The following KPNA3 variants were observed in gnomAD, a reference collection of about 807,000 sequenced individuals.
KPNA3 encodes the protein karyopherin subunit alpha 3.
Under a neutral mutation model 73.8 loss-of-function variants are expected in KPNA3, and 13 were observed. The observed-to-expected ratio is 0.18, with a 90% CI of 0.11 to 0.28. The LOEUF (loss-of-function observed/expected upper bound fraction) is 0.28, where lower values mean the gene tolerates loss of function less well. KPNA3 is among the 10% of genes least tolerant of loss of function. The probability of loss-of-function intolerance (pLI) is 1.00; values close to 1 mark genes in which losing one functional copy is unlikely to be tolerated. For missense variants in KPNA3, 360 were observed against 618.1 expected (o/e 0.58, Z 4.43); for synonymous variants, 186 against 206.9 (o/e 0.90, Z 0.87).
intron 6 of KPNA3, among the ~76,000 whole-genome samples, chr13:49,729,122 ATATT>A (rs1188011684): frequency 3.3e-5 from 5 of 152,186 alleles, no homozygotes; most frequent in African/African-American, 4.8e-5. Flanking sequence ...TCAAGTTTAT[ATATT>A]TATTATCTTT....
intron 12 of KPNA3, among the ~76,000 whole-genome samples, chr13:49,708,549 G>A (rs1286686609): frequency 6.6e-6 from 1 of 152,058 alleles, no homozygotes; most frequent in African/African-American, 2.4e-5. Flanking sequence ...AATTGAAAGC[G>A]GGAACTCAAA....
intron 1 of KPNA3, among the ~76,000 whole-genome samples, chr13:49,773,427 G>T (rs1336659402): frequency 6.6e-6 from 1 of 152,072 alleles, no homozygotes; most frequent in Non-Finnish European, 1.5e-5. Flanking sequence ...CTGCCTCAAA[G>T]ATTTTTTCGA....
In KPNA3 at chr13:49,711,259, A is replaced by G. The variant is rs927414261; in HGVS notation, c.772-237T>C. Among the ~76,000 whole-genome samples, 12 of 152,250 alleles carry G rather than the reference A, an allele frequency of 7.9e-5. 1 individual carries two copies. The highest frequency in any genetic ancestry group is 2.9e-4 in the African/African-American group (12 of 41,470). ...GACACAGAAGTCTGGGAAAACTTCT[A>G]TTCCAACTTCTGCATTTATGTATCA... On this transcript the variant is annotated intron_variant, in intron 10 of 16. Transcript: ENST00000261667.
At chr13:49,763,119 G>A (rs1215262468) in intron 1 of KPNA3, among the ~76,000 whole-genome samples, 1 of 151,906 alleles carries the variant, frequency 6.6e-6, no homozygotes, top group Non-Finnish European at 1.5e-5. Context: ...AATAACTACA[G>A]CAAATATTTC....
chr13:49,757,705 C>CA (rs1954723329), intron 1 of KPNA3, among the ~76,000 whole-genome samples: 2 of 152,128 alleles, frequency 1.3e-5, no homozygotes, highest in Admixed American at 6.5e-5. Flanking sequence ...CACACACACA[C>CA]ACACACAACC....
chr13:49,766,868 A>G (rs117432901), intron 1 of KPNA3, among the ~76,000 whole-genome samples: 282 of 152,214 alleles, frequency 1.9e-3, no homozygotes, highest in Non-Finnish European at 2.9e-3. Flanking sequence ...CACTGCGTTA[A>G]TATTACAAGA....
chr13:49,716,926 T>G (rs1954309617), intron 10 of KPNA3, among the ~76,000 whole-genome samples: 1 of 152,158 alleles, frequency 6.6e-6, no homozygotes, highest in Non-Finnish European at 1.5e-5. Context: ...ATCTGTATTG[T>G]CTTTTGCTTT....
intron 2 of KPNA3, among the ~76,000 whole-genome samples, chr13:49,733,794 T>G (rs570751365): frequency 8.3e-4 from 127 of 152,316 alleles, no homozygotes; most frequent in Admixed American, 1.7e-3. Flanking sequence ...AATCACCTTG[T>G]GAACACTGAG....
At chr13:49,782,296 C>T (rs1251863254) in intron 1 of KPNA3, among the ~76,000 whole-genome samples, 1 of 152,200 alleles carries the variant, frequency 6.6e-6, no homozygotes, top group Non-Finnish European at 1.5e-5. Flanking sequence ...GACACAGTCA[C>T]TGTTATTCAT....
intron 1 of KPNA3, among the ~76,000 whole-genome samples, chr13:49,756,351 G>T (rs1419829606): frequency 6.6e-6 from 1 of 152,154 alleles, no homozygotes; most frequent in Non-Finnish European, 1.5e-5. Flanking sequence ...GACTGCTTGA[G>T]CCCAGGAGGT....
At chr13:49,759,719 G>A (rs751059782) in intron 1 of KPNA3, among the ~76,000 whole-genome samples, 70 of 152,082 alleles carry the variant, frequency 4.6e-4, no homozygotes, top group Admixed American at 1.9e-3. Flanking sequence ...AGTGGAGCTC[G>A]GGTGGTAATA....
At position 49,760,288 on chromosome 13, in the gene KPNA3, G is replaced by A. The variant is rs184892839; in HGVS notation, c.70-13295C>T. 2.2e-3 allele frequency among the ~76,000 whole-genome samples: 330 copies of A among 152,004 alleles called. 1 individual carries two copies. The highest frequency in any genetic ancestry group is 1.6e-3 in the Non-Finnish European group (110 of 67,972). Reference sequence around the variant, plus strand: ...AACTCAGCCAGGAATGGTGGTACATGCCTGTGATTCCAACTACCCAGGAGA... The same window carrying A: ...AACTCAGCCAGGAATGGTGGTACATACCTGTGATTCCAACTACCCAGGAGA... On this transcript the variant is annotated intron_variant, in intron 1 of 16. Transcript: ENST00000261667.
intron 12 of KPNA3, among the ~76,000 whole-genome samples, chr13:49,707,775 C>T (rs1423577354): frequency 6.6e-6 from 1 of 151,716 alleles, no homozygotes; most frequent in African/African-American, 2.4e-5. Flanking sequence ...AAGTCTCTGG[C>T]TTCTTTGTCT....
intron 2 of KPNA3, among the ~76,000 whole-genome samples, chr13:49,734,871 TCCC>T (rs1409496755): frequency 6.6e-6 from 1 of 151,676 alleles, no homozygotes; most frequent in African/African-American, 2.4e-5. Context: ...TTGATGAATT[TCCC>T]CTTCTAATTT....
intron 2 of KPNA3, among the ~76,000 whole-genome samples, chr13:49,741,163 T>A (rs1314942817): frequency 1.4e-4 from 21 of 152,156 alleles, no homozygotes. Flanking sequence ...TACACAGTAG[T>A]GGGATTGCTT....
chr13:49,787,309 A>T (rs1954991107), intron 1 of KPNA3, among the ~76,000 whole-genome samples: 1 of 152,264 alleles, frequency 6.6e-6, no homozygotes, highest in South Asian at 2.1e-4. Flanking sequence ...TAAAAAGGCA[A>T]ATAAATCTAA....
intron 10 of KPNA3, among the ~76,000 whole-genome samples, chr13:49,716,239 G>C (rs1954303061): frequency 6.6e-6 from 1 of 152,004 alleles, no homozygotes. Context: ...CGATTTTCTT[G>C]CCTTTGATCT....
intron 1 of KPNA3, among the ~76,000 whole-genome samples, chr13:49,747,455 C>T (rs1423983363): frequency 6.6e-6 from 1 of 152,024 alleles, no homozygotes; most frequent in East Asian, 1.9e-4. Context: ...CTTTAGAAGG[C>T]TGGAGGATCA....
In KPNA3 at chr13:49,719,781, A is replaced by T; in HGVS notation, c.765T>A (p.Asp255Glu). 1.2e-6 allele frequency: 2 copies of T among 1,600,980 alleles called. No individual in the cohort carries two copies. The highest frequency in any genetic ancestry group is 8.5e-7 in the Non-Finnish European group (1 of 1,169,614). Residue 255 changes from aspartate to glutamate, a missense_variant, in exon 10 of 17, where the codon GAT (aspartate) becomes GAA (glutamate). Physicochemically the swap from Asp to Glu is conservative, Grantham distance 45. Around this residue, in one of 3 missense-constraint regions of KPNA3, gnomAD observed 287 missense variants for 549.1 expected, o/e 0.52. Transcript: ENST00000261667. ...AAGCTGCTTCTTAACTTACGTTTATATCTGTATGGTATATGAGGACACATA... is the reference window on the plus strand; with the variant it reads ...AAGCTGCTTCTTAACTTACGTTTATTTCTGTATGGTATATGAGGACACATA... Reference protein sequence around the residue: ...PALCVLIYHTDINILVDTVWA... With the variant: ...PALCVLIYHTEINILVDTVWA...
Sources: gnomAD v4.1 joint callset for allele counts (sites outside exome capture counted in the v4.1 genomes callset) on GRCh38, gnomAD v4.1.1 for gene constraint, gnomAD v4.1.1 regional missense constraint, MANE v1.5 for transcripts, NCBI Gene and HGNC (gene_info 2026-07-23, HGNC 2026-07-21) for gene names.